Variants in SLC35F3 observed in about 807,000 individuals in gnomAD.
SLC35F3 encodes the protein solute carrier family 35 member F3, also known as putative thiamine transporter SLC35F3.
Under a neutral mutation model 49.9 loss-of-function variants are expected in SLC35F3, and 25 were observed. The observed-to-expected ratio is 0.50, with a 90% confidence interval of 0.37 to 0.70. The LOEUF (loss-of-function observed/expected upper bound fraction) is 0.70, where lower values mean the gene tolerates loss of function less well. SLC35F3 is among the 30% of genes least tolerant of loss of function. SLC35F3 has a pLI of 0.00. For synonymous variants in SLC35F3, 275 were observed against 265.4 expected, an observed-to-expected ratio of 1.04 and a Z score of -0.35; for missense variants, 525 against 639.8, an observed-to-expected ratio of 0.82 and a Z score of 1.94.
chr1:233,936,881 G>A (rs572351852), intron 2 of SLC35F3, among the ~76,000 whole-genome samples: 19 of 152,100 alleles, frequency 1.2e-4, no homozygotes, highest in Admixed American at 7.9e-4. Context: ...TTGTAGAGAC[G>A]GGGCCTCCTT....
At chr1:234,007,201 TATATA>T (rs1316861261) in intron 2 of SLC35F3, among the ~76,000 whole-genome samples, 3 of 152,144 alleles carry the variant, frequency 2.0e-5, no homozygotes, top group African/African-American at 7.2e-5. Flanking sequence ...AAATTATTAA[TATATA>T]ATAGCTAGAA....
At chr1:234,321,966 A>G (rs1323081089) in intron 7 of SLC35F3, among the ~76,000 whole-genome samples, 2 of 152,076 alleles carry the variant, frequency 1.3e-5, no homozygotes, top group Non-Finnish European at 2.9e-5. Context: ...GGATCGCTTG[A>G]GCCCAGGAGT....
intron 2 of SLC35F3, among the ~76,000 whole-genome samples, chr1:234,029,679 C>A (rs575258436): frequency 3.3e-5 from 5 of 152,220 alleles, no homozygotes; most frequent in Admixed American, 6.5e-5. Flanking sequence ...CAACTGTTTC[C>A]CTGTGTTGTA....
At chr1:233,969,218 T>C (rs776600348) in intron 2 of SLC35F3, among the ~76,000 whole-genome samples, 25 of 152,220 alleles carry the variant, frequency 1.6e-4, no homozygotes, top group Non-Finnish European at 3.2e-4. Context: ...GATCTATTTC[T>C]CCTGAGATGT....
At chr1:233,914,790 C>T (rs963548560) in intron 2 of SLC35F3, among the ~76,000 whole-genome samples, 1 of 151,888 alleles carries the variant, frequency 6.6e-6, no homozygotes, top group Non-Finnish European at 1.5e-5. Flanking sequence ...TCTTTTGGTT[C>T]AAAGCAGTGG....
chr1:234,074,266 T>C (rs1294940783), intron 2 of SLC35F3, among the ~76,000 whole-genome samples: 1 of 152,180 alleles, frequency 6.6e-6, no homozygotes, highest in African/African-American at 2.4e-5. Flanking sequence ...CTCTTTTCAT[T>C]ACCTGCTATT....
intron 2 of SLC35F3, among the ~76,000 whole-genome samples, chr1:234,227,258 G>A (rs940313618): frequency 6.6e-6 from 1 of 152,138 alleles, no homozygotes; most frequent in Non-Finnish European, 1.5e-5. Context: ...GTGGGGAAGG[G>A]GTGTTGGAGA....
At chr1:233,987,377 T>C (rs182794804) in intron 2 of SLC35F3, among the ~76,000 whole-genome samples, 41 of 152,298 alleles carry the variant, frequency 2.7e-4, no homozygotes, top group Admixed American at 1.3e-3. Context: ...CTTTTCTTGA[T>C]TGAGATTTAC....
chr1:234,260,358 G>A (rs968570849), intron 3 of SLC35F3, among the ~76,000 whole-genome samples: 2 of 152,100 alleles, frequency 1.3e-5, no homozygotes, highest in African/African-American at 4.8e-5. Context: ...TTAAAAAAAA[G>A]AGAAAAAACT....
At chr1:233,932,481 C>A (rs538685954) in intron 2 of SLC35F3, among the ~76,000 whole-genome samples, 141 of 152,194 alleles carry the variant, frequency 9.3e-4, no homozygotes, top group Non-Finnish European at 1.6e-3. Context: ...AGTGGATACA[C>A]TTAGGTGTAT....
chr1:234,185,844 A>G (rs1363136518), intron 2 of SLC35F3, among the ~76,000 whole-genome samples: 3 of 152,218 alleles, frequency 2.0e-5, no homozygotes, highest in Admixed American at 1.3e-4. Flanking sequence ...TTGCTCTGTT[A>G]TTATCCCTGT....
At chr1:234,176,266 C>T (rs1290862611) in intron 2 of SLC35F3, among the ~76,000 whole-genome samples, 3 of 152,268 alleles carry the variant, frequency 2.0e-5, no homozygotes, top group East Asian at 1.9e-4. Context: ...ACAGCAGTTG[C>T]GGATGGCTAG....
chr1:234,214,437 C>T lies in SLC35F3; in HGVS notation c.284-16980C>T. On this transcript the variant is annotated intron_variant, in intron 2 of 7. Coordinates refer to ENST00000366618, the MANE Select transcript of SLC35F3 (RefSeq NM_173508.4). This position sits in a 1 kb window ranked among gnomAD's most constrained non-coding sequence, Gnocchi z 8.0. ...CGGCCACGGGCCCGGGAGAGACGCG[C>T]TCCAGCCGGCCCCAGGATGTAGGCG... 1 of 1,485,242 alleles carries T rather than the reference C, an allele frequency of 6.7e-7. No homozygotes were observed. Among genetic ancestry groups the T allele is most frequent in the Non-Finnish European group, 9.0e-7 (1 of 1,115,946 alleles). 92.0% of individuals were successfully genotyped at this position (1,485,242 alleles called of 1,614,324 possible).
chr1:233,905,127 C>T lies in SLC35F3; in HGVS notation c.50C>T (p.Ala17Val), dbSNP rs1485215048. Residue 17 changes from alanine (A) to valine (V), a missense_variant, in exon 1 of 8, where the codon GCC becomes GTC. Ala to Val is a moderately conservative substitution (Grantham distance 64). Around this residue, in one of 4 missense-constraint regions of SLC35F3, gnomAD observed 228 missense variants for 218.9 expected, o/e 1.04. Transcript: ENST00000366618. The part of the protein sequence containing the change: ...PSGAPRGKSI[A>V]VGMRRSPDVS... The stretch of plus-strand genomic sequence containing the variant: ...GGCGCACCCAGGGGCAAGAGCATTG[C>T]CGTGTGAGTAGCGCCCCGGGCGTGG... 1 of 1,557,574 alleles carries T rather than the reference C, an allele frequency of 6.4e-7. No homozygotes were observed. The highest frequency in any genetic ancestry group is 1.9e-5 in the Admixed American group (1 of 51,454).
At chr1:234,149,027 T>C (rs1666035347) in intron 2 of SLC35F3, among the ~76,000 whole-genome samples, 1 of 152,262 alleles carries the variant, frequency 6.6e-6, no homozygotes, top group South Asian at 2.1e-4. Context: ...GTCATCCAAG[T>C]GAAGATGTCA....
At chr1:234,273,604 G>T (rs916956252) in intron 3 of SLC35F3, among the ~76,000 whole-genome samples, 2 of 152,208 alleles carry the variant, frequency 1.3e-5, no homozygotes, top group Admixed American at 1.3e-4. Context: ...AATTATGCAA[G>T]ACTTCACAAG....
intron 2 of SLC35F3, among the ~76,000 whole-genome samples, chr1:234,008,672 T>G (rs2102836374): frequency 6.6e-6 from 1 of 152,328 alleles, no homozygotes; most frequent in East Asian, 1.9e-4. Flanking sequence ...AGGAAGAGTT[T>G]CCAAGTACAG....
intron 2 of SLC35F3, chr1:234,212,723 T>C (rs1259070359): frequency 6.6e-6 from 1 of 152,236 alleles, no homozygotes; most frequent in African/African-American, 2.4e-5. Flanking sequence ...TTAGTTACTA[T>C]ATATAATAAA....
At chr1:234,299,822 A>AAG (rs1195725734) in intron 3 of SLC35F3, among the ~76,000 whole-genome samples, 1 of 151,016 alleles carries the variant, frequency 6.6e-6, no homozygotes, top group Non-Finnish European at 1.5e-5. Flanking sequence ...AAAAAAAAAA[A>AAG]AAGAGAAGAA....
Sources: gnomAD v4.1 joint callset for allele counts (sites outside exome capture counted in the v4.1 genomes callset) on GRCh38, gnomAD v4.1.1 for gene constraint, gnomAD v4.1.1 regional missense constraint, Gnocchi (gnomAD v3.1) non-coding constraint, MANE v1.5 for transcripts, NCBI Gene and HGNC (gene_info 2026-07-23, HGNC 2026-07-21) for gene names.